Variants in GNL3 observed in about 807,000 individuals in gnomAD.
GNL3 encodes the protein guanine nucleotide-binding protein-like 3.
In GNL3, 77 loss-of-function variants were observed where a neutral mutation model predicts 70.6. That is an observed-to-expected ratio of 1.09 (90% CI 0.91 to 1.32). The LOEUF (loss-of-function observed/expected upper bound fraction) is 1.32, where lower values mean the gene tolerates loss of function less well. GNL3 is among the 40% of genes most tolerant of loss of function. The pLI is 0.00. For synonymous variants in GNL3, 252 were observed against 216.1 expected, an observed-to-expected ratio of 1.17 and a Z score of -1.46; for missense variants, 634 against 644.0, an observed-to-expected ratio of 0.98 and a Z score of 0.17.
intron 9 of GNL3, 39 bp downstream of exon 9, chr3:52,691,668 A>T: frequency 9.3e-7 from 1 of 1,080,892 alleles, no homozygotes; most frequent in Non-Finnish European, 1.4e-6. Flanking sequence ...TTATAGTGAC[A>T]CACTATTTTA....
chr3:52,689,185 G>C lies in GNL3; in HGVS notation c.520G>C (p.Val174Leu). 6.2e-7 allele frequency: 1 copy of C among 1,613,500 alleles called. No homozygotes were observed. The highest frequency in any genetic ancestry group is 1.6e-4 in the Middle Eastern group (1 of 6,062). The stretch of plus-strand genomic sequence containing the variant: ...TGTCCAGAGTGGACAGAAAAAGCTG[G>C]TACTTATATTAAATAAATCAGGTGA... ...AIVQSGQKKL[V>L]LILNKSDLVP... is the part of the protein sequence containing the mutation. The change falls in exon 6 of 15, where the codon GTA (valine) becomes CTA (leucine). Residue 174 changes from valine (V) to leucine (L), a missense_variant. Physicochemically the swap from Val to Leu is conservative, Grantham distance 32. Transcript: ENST00000418458.
intron 1 of GNL3, 35 bp downstream of exon 1, chr3:52,686,140 C>T: frequency 6.3e-7 from 1 of 1,598,536 alleles, no homozygotes; most frequent in Non-Finnish European, 8.6e-7. Context: ...TGGAGGGACC[C>T]ACGTCTGGAA....
chr3:52,687,223 A>G lies in GNL3; in HGVS notation c.73-23A>G, dbSNP rs541443301. 2.2e-5 allele frequency: 35 copies of G among 1,588,806 alleles called. No homozygotes were observed. The South Asian group carries it at 2.5e-4, about 11-fold the overall frequency. On this transcript the variant is annotated intron_variant, in intron 2 of 14. Transcript: ENST00000418458. ...AGTATAAAGATATTTTTGTAAGCAG[A>G]CAAAATCTCTTTATTTTAATAGGTT...
At chr3:52,688,248 T>C in intron 5 of GNL3, 56 bp downstream of exon 5, 1 of 1,017,756 alleles carries the variant, frequency 9.8e-7, no homozygotes, top group Non-Finnish European at 1.5e-6. Context: ...AAGACTCAAG[T>C]CATTTTTTTT....
chr3:52,687,140 C>A, intron 2 of GNL3, 106 bp from the exon 3 acceptor site: 1 of 908,976 alleles, frequency 1.1e-6, no homozygotes. Context: ...TTTCCTAGGA[C>A]ATTTTATAGG....
In GNL3 at chr3:52,689,154, G is replaced by A. The variant is rs1354654483; in HGVS notation, c.489G>A (p.Glu163=). 1 of 1,612,650 alleles carries A rather than the reference G, an allele frequency of 6.2e-7. No homozygotes were observed. The change falls in exon 6 of 15, where the codon GAG becomes GAA. Residue 163 remains glutamate, a synonymous_variant. Coordinates refer to ENST00000418458, the MANE Select transcript of GNL3 (RefSeq NM_014366.5). ...PLGCRCPQVE[E]AIVQSGQKKL... ...GTTGCAGATGTCCTCAGGTAGAAGA[G>A]GCCATTGTCCAGAGTGGACAGAAAA...
Position 52,690,721 on chromosome 3 carries a change from G to A in GNL3, c.654+17G>A. On this transcript the variant is annotated intron_variant, in intron 7 of 14. Transcript: ENST00000418458. ...ATAACCAAGGTATCCTTTATTAGTGGTAAGAAATGTGATTCTTTCAGATTT... is the reference window on the plus strand; with the variant it reads ...ATAACCAAGGTATCCTTTATTAGTGATAAGAAATGTGATTCTTTCAGATTT... 1 of 1,381,232 alleles carries A rather than the reference G, an allele frequency of 7.2e-7. No homozygotes were observed. The highest frequency in any genetic ancestry group is 1.0e-6 in the Non-Finnish European group (1 of 972,972). The allele number at this position is 1,381,232 out of a possible 1,614,324, so 85.6% of individuals were successfully genotyped here.
chr3:52,693,092 A>G, intron 10 of GNL3, 46 bp downstream of exon 10: 2 of 1,603,984 alleles, frequency 1.2e-6, no homozygotes, highest in Non-Finnish European at 1.7e-6. Flanking sequence ...ATCTTCTTTC[A>G]TCATAAGCAT....
chr3:52,692,800 T>G (rs1561257592), intron 9 of GNL3, 72 bp from the exon 10 acceptor site: 9 of 1,190,282 alleles, frequency 7.6e-6, no homozygotes, highest in South Asian at 1.2e-5. Context: ...AATCCAACCC[T>G]GAGCTTCATG....
At position 52,693,257 on chromosome 3, in the gene GNL3, G is replaced by A; in HGVS notation, c.1115G>A (p.Arg372Lys). ...LEFFTVLAQR[R>K]GMHQKGGIPN... Reference sequence around the variant, plus strand: ...TTTTTTACTGTGCTTGCTCAGAGAAGAGGTATGCACCAAAAAGGTGGAATC... The same window carrying A: ...TTTTTTACTGTGCTTGCTCAGAGAAAAGGTATGCACCAAAAAGGTGGAATC... Residue 372 changes from arginine to lysine, a missense_variant, in exon 11 of 15, where the codon AGA becomes AAA. Physicochemically the swap from Arg to Lys is conservative, Grantham distance 26 (BLOSUM62 2). Coordinates refer to ENST00000418458, the MANE Select transcript of GNL3 (RefSeq NM_014366.5). The A allele has an allele frequency of 3.7e-6, 6 of 1,614,074 alleles. No individual in the cohort carries two copies. Among genetic ancestry groups the A allele is most frequent in the Non-Finnish European group, 5.1e-6 (6 of 1,179,966 alleles).
Position 52,692,860 on chromosome 3 carries a change from C to T in GNL3, c.870-12C>T. On this transcript the variant is annotated splice_polypyrimidine_tract_variant and intron_variant, in intron 9 of 14. Transcript: ENST00000418458. Reference sequence around the variant, plus strand: ...ACCAATGCCCCCATCAATTCCATCGCTCTTCTTTCAGGAGCATGCAAGTTG... The same window carrying T: ...ACCAATGCCCCCATCAATTCCATCGTTCTTCTTTCAGGAGCATGCAAGTTG... 2 of 1,606,522 alleles carry T rather than the reference C, an allele frequency of 1.2e-6. No individual in the cohort carries two copies. Among genetic ancestry groups the T allele is most frequent in the Non-Finnish European group, 1.7e-6 (2 of 1,175,068 alleles).
rs762456957 is a variant in GNL3, at chr3:52,693,196, A to C, written c.1054A>C (p.Lys352Gln). The C allele has an allele frequency of 6.2e-7, 1 of 1,610,692 alleles. No homozygotes were observed. The highest frequency in any genetic ancestry group is 1.7e-5 in the Admixed American group (1 of 59,180). ...SQADARQVVL[K>Q]YTVPGYRNSL... ...TGGTTTTTTTTTTAAGGTAGTACTG[A>C]AATATACTGTCCCAGGCTACAGGAA... Residue 352 changes from lysine to glutamine, a missense_variant, in exon 11 of 15, where the codon AAA becomes CAA. Coordinates refer to ENST00000418458, the MANE Select transcript of GNL3 (RefSeq NM_014366.5).
Position 52,688,098 on chromosome 3 carries a change from T to A in GNL3, c.325-11T>A. On this transcript the variant is annotated splice_polypyrimidine_tract_variant and intron_variant, in intron 4 of 14. Transcript: ENST00000418458. ...TTCTAATTTTGTGTTATTTCCCCCT[T>A]TATCCTCTAGGAGTTTGGGCTTTGC... is the stretch of plus-strand genomic sequence containing the variant. The A allele has an allele frequency of 6.5e-7, 1 of 1,539,036 alleles. No homozygotes were observed. Among genetic ancestry groups the A allele is most frequent in the Non-Finnish European group, 9.0e-7 (1 of 1,111,716 alleles).
At chr3:52,688,359 A>T (rs904888252) in intron 5 of GNL3, among the ~76,000 whole-genome samples, 167 bp downstream of exon 5, 1 of 152,134 alleles carries the variant, frequency 6.6e-6, no homozygotes, top group Non-Finnish European at 1.5e-5. Flanking sequence ...CCAGGTATTA[A>T]GCCTAGTACG....
chr3:52,687,819 C>T, intron 4 of GNL3: 1 of 595,910 alleles, frequency 1.7e-6, no homozygotes, highest in East Asian at 2.8e-5. Flanking sequence ...CAGACACGGG[C>T]TTTCACTATA....
chr3:52,686,897 GA>G, intron 2 of GNL3, 70 bp downstream of exon 2: 1 of 1,171,636 alleles, frequency 8.5e-7, no homozygotes, highest in Non-Finnish European at 1.3e-6. Flanking sequence ...TCCTTTGCGG[GA>G]AAGTCTGGGT....
Position 52,690,669 on chromosome 3 carries a change from TCAA to T in GNL3, c.623_625del (p.Thr208del). Reference sequence around the variant, plus strand: ...ATTGCCAACAGTGGTGTTCAGAGCCTCAACAAAACCAAAGGATAAAGGGAAGAT... The same window carrying T: ...ATTGCCAACAGTGGTGTTCAGAGCCTCAAAACCAAAGGATAAAGGGAAGAT... On this transcript the variant is annotated inframe_deletion, in exon 7 of 15. Transcript: ENST00000418458. 1.2e-6 allele frequency: 2 copies of T among 1,605,564 alleles called. No homozygotes were observed. Among genetic ancestry groups the T allele is most frequent in the African/African-American group, 1.3e-5 (1 of 74,832 alleles).
At chr3:52,692,369 A>ACTGTTTTTTTTTTTTTTTT (rs71087009) in intron 9 of GNL3, among the ~76,000 whole-genome samples, 1 of 126,412 alleles carries the variant, frequency 7.9e-6, no homozygotes, top group Non-Finnish European at 1.6e-5. Flanking sequence ...CAACTTTTAG[A>ACTGTTTTTTTTTTTTTTTT]TTTTTTTTTT....
chr3:52,690,812 CTG>C, intron 7 of GNL3, 108 bp downstream of exon 7: 2 of 1,170,982 alleles, frequency 1.7e-6, no homozygotes, highest in Non-Finnish European at 2.5e-6. Flanking sequence ...AGATCCAACT[CTG>C]ATTTCAGCCA....
Sources: allele counts gnomAD v4.1 joint callset (sites outside exome capture counted in the v4.1 genomes callset), GRCh38; gene constraint gnomAD v4.1.1; transcripts MANE v1.5; gene names NCBI Gene and HGNC (gene_info 2026-07-23, HGNC 2026-07-21).